The following COL5A1 variants were observed in gnomAD, a reference collection of about 807,000 sequenced individuals.
The protein encoded by COL5A1 is collagen alpha-1(V) chain.
A neutral mutation model predicts 263.7 loss-of-function variants in COL5A1; 16 were observed. The ratio of observed to expected loss-of-function variants is 0.06; its 90% CI spans 0.04 to 0.09. COL5A1 has a LOEUF of 0.09. Ranked by LOEUF, COL5A1 falls within the 10% of genes least tolerant of loss-of-function variation. The pLI, the probability that COL5A1 is intolerant of heterozygous loss-of-function variation, is 1.00. For missense variants in COL5A1, 2,036 were observed against 2,540.5 expected, an observed-to-expected ratio of 0.80 and a Z score of 4.27; for synonymous variants, 1,012 against 1,004.5, an observed-to-expected ratio of 1.01 and a Z score of -0.14.
intron 64 of COL5A1, among the ~76,000 whole-genome samples, chr9:134,830,946 G>A (rs984086730): frequency 2.0e-5 from 3 of 152,202 alleles, no homozygotes; most frequent in South Asian, 4.1e-4. Context: ...CTCCCAGCAA[G>A]TTAAAGGACC....
chr9:134,766,140 A>T (rs375043290), intron 21 of COL5A1, among the ~76,000 whole-genome samples: 1 of 152,264 alleles, frequency 6.6e-6, no homozygotes, highest in East Asian at 1.9e-4. Context: ...CCCGGTGGGC[A>T]GCTCCCCCAG....
At chr9:134,679,032 G>C (rs1832757388) in intron 1 of COL5A1, among the ~76,000 whole-genome samples, 1 of 152,202 alleles carries the variant, frequency 6.6e-6, no homozygotes, top group South Asian at 2.1e-4. Context: ...CAGGCCTTCA[G>C]TTCTCATCAA....
At chr9:134,683,301 C>T (rs1317232098) in intron 1 of COL5A1, among the ~76,000 whole-genome samples, 1 of 152,172 alleles carries the variant, frequency 6.6e-6, no homozygotes, top group African/African-American at 2.4e-5. Flanking sequence ...ACCTTCTGCC[C>T]TTGGGAAAAA....
intron 2 of COL5A1, 32 bp downstream of exon 2, chr9:134,691,111 G>T: frequency 6.2e-7 from 1 of 1,610,558 alleles, no homozygotes; most frequent in South Asian, 1.1e-5. Flanking sequence ...TTGGGGCGGT[G>T]GGTCCCGTTG....
chr9:134,821,738 G>A lies in COL5A1; in HGVS notation c.4555-359G>A, dbSNP rs921355345. 2.0e-5 allele frequency among the ~76,000 whole-genome samples: 3 copies of A among 152,240 alleles called. No individual in the cohort carries two copies. The highest frequency in any genetic ancestry group is 7.2e-5 in the African/African-American group (3 of 41,462). ...CACCATGAGCAGGAAACAGCAAGAG[G>A]GGCCCAAGCCAGGGCCACAATGTCA... On this transcript the variant is annotated intron_variant, in intron 58 of 65. Coordinates refer to ENST00000371817, the MANE Select transcript of COL5A1 (RefSeq NM_000093.5). The surrounding 1 kb of genome is among the most constrained non-coding windows in gnomAD (Gnocchi z 4.2).
At position 134,739,781 on chromosome 9, in the gene COL5A1, G is replaced by A. The variant is rs925065572; in HGVS notation, c.1494+973G>A. Among the ~76,000 whole-genome samples the A allele has an allele frequency of 7.2e-5, 11 of 152,252 alleles. No homozygotes were observed. In the East Asian group the frequency reaches 2.1e-3, roughly 30 times the overall value. ...CTCAGTACCCCTGGAAAGCTGGGGA[G>A]GGGCAGGACAGGTGAGGTCAGGCAG... On this transcript the variant is annotated intron_variant, in intron 11 of 65. Coordinates refer to ENST00000371817, the MANE Select transcript of COL5A1 (RefSeq NM_000093.5).
In COL5A1 at chr9:134,642,770, C is replaced by A. The variant is rs1831341528; in HGVS notation, c.109+474C>A. On this transcript the variant is annotated intron_variant, in intron 1 of 65. Transcript: ENST00000371817. The surrounding 1 kb of genome is among the most constrained non-coding windows in gnomAD (Gnocchi z 4.5). Reference sequence around the variant, plus strand: ...GGGGGAATCCCAGAAGCCTGGGCCCCCAGCACTGAACTTCCCCCAGGCACT... The same window carrying A: ...GGGGGAATCCCAGAAGCCTGGGCCCACAGCACTGAACTTCCCCCAGGCACT... 6.6e-6 allele frequency among the ~76,000 whole-genome samples: 1 copy of A among 152,206 alleles called. No homozygotes were observed. Among genetic ancestry groups the A allele is most frequent in the Non-Finnish European group, 1.5e-5 (1 of 68,018 alleles).
At chr9:134,720,938 G>T (rs929504357) in intron 4 of COL5A1, among the ~76,000 whole-genome samples, 1 of 152,170 alleles carries the variant, frequency 6.6e-6, no homozygotes, top group African/African-American at 2.4e-5. Flanking sequence ...GCGGCTCCAG[G>T]CCTGGCTGCA....
At chr9:134,829,861 G>C (rs551353227) in intron 63 of COL5A1, 115 bp from the exon 64 acceptor site, 2 of 1,173,370 alleles carry the variant, frequency 1.7e-6, no homozygotes, top group African/African-American at 3.1e-5. Flanking sequence ...CAGCCCCCCC[G>C]GCGTGAGGAT....
chr9:134,660,613 T>C (rs1249363234), intron 1 of COL5A1, among the ~76,000 whole-genome samples: 2 of 152,026 alleles, frequency 1.3e-5, no homozygotes, highest in Non-Finnish European at 2.9e-5. Context: ...TTAAGGAGGG[T>C]ATTGCATCCC....
chr9:134,822,973 A>G, intron 59 of COL5A1, 25 bp from the exon 60 acceptor site: 1 of 1,613,858 alleles, frequency 6.2e-7, no homozygotes, highest in Non-Finnish European at 8.5e-7. Flanking sequence ...CGGCTTGCTG[A>G]CGTTCTGCCC....
chr9:134,670,877 G>C (rs764426498), intron 1 of COL5A1, among the ~76,000 whole-genome samples: 1 of 152,192 alleles, frequency 6.6e-6, no homozygotes, highest in Non-Finnish European at 1.5e-5. Context: ...CTGCTGACTT[G>C]CGGGTCTTCT....
chr9:134,708,589 C>T (rs756783156), intron 4 of COL5A1: 2 of 518,780 alleles, frequency 3.9e-6, no homozygotes, highest in Non-Finnish European at 7.7e-6. Context: ...GCCCAGACCC[C>T]ACCCTGGCAG....
At chr9:134,701,833 G>C (rs1833686978) in intron 4 of COL5A1, among the ~76,000 whole-genome samples, 1 of 152,222 alleles carries the variant, frequency 6.6e-6, no homozygotes, top group Admixed American at 6.5e-5. Context: ...CAGGGGCCTT[G>C]CTTTCCCGGG....
At chr9:134,675,136 T>C (rs1249236136) in intron 1 of COL5A1, among the ~76,000 whole-genome samples, 1 of 152,222 alleles carries the variant, frequency 6.6e-6, no homozygotes, top group Non-Finnish European at 1.5e-5. Context: ...GCTTTCTTTC[T>C]ATGTTTTTTC....
At chr9:134,713,303 G>C (rs1834134727) in intron 4 of COL5A1, among the ~76,000 whole-genome samples, 1 of 152,234 alleles carries the variant, frequency 6.6e-6, no homozygotes, top group African/African-American at 2.4e-5. Context: ...TGTGATGGTG[G>C]GGAGCATGTG....
chr9:134,744,601 A>G lies in COL5A1; in HGVS notation c.1494+5793A>G, dbSNP rs368015650. ...CACACACACTTACACATGCACACTC[A>G]CCCACACCTGCACACACACTCATGC... On this transcript the variant is annotated intron_variant, in intron 11 of 65. Coordinates refer to ENST00000371817, the MANE Select transcript of COL5A1 (RefSeq NM_000093.5). 1.1e-4 allele frequency among the ~76,000 whole-genome samples: 16 copies of G among 151,664 alleles called. No homozygotes were observed. The East Asian group carries it at 1.7e-3, about 17-fold the overall frequency.
Position 134,824,784 on chromosome 9 carries a change from C to G in COL5A1, c.4883C>G (p.Pro1628Arg). The stretch of plus-strand genomic sequence containing the variant: ...CTGGAGATTGAGCAGATGAAACGGC[C>G]CCTGGGCACGCAGCAGAACCCCGCC... The part of the protein sequence containing the change: ...LKLEIEQMKR[P>R]LGTQQNPART... Residue 1628 changes from proline (P) to arginine (R), a missense_variant, in exon 62 of 66, where the codon CCC (proline) becomes CGC (arginine). Around this residue, in one of 3 missense-constraint regions of COL5A1, gnomAD observed 358 missense variants for 384.6 expected, o/e 0.93. Transcript: ENST00000371817. 6.2e-7 allele frequency: 1 copy of G among 1,614,128 alleles called. No individual in the cohort carries two copies. The highest frequency in any genetic ancestry group is 8.5e-7 in the Non-Finnish European group (1 of 1,180,042).
At chr9:134,699,635 G>T (rs1011762801) in intron 2 of COL5A1, among the ~76,000 whole-genome samples, 1 of 152,214 alleles carries the variant, frequency 6.6e-6, no homozygotes, top group African/African-American at 2.4e-5. Context: ...TGAGGGCAGG[G>T]TGTTGAGGGC....
Sources: gnomAD v4.1 joint callset for allele counts (sites outside exome capture counted in the v4.1 genomes callset) on GRCh38, gnomAD v4.1.1 for gene constraint, gnomAD v4.1.1 regional missense constraint, Gnocchi (gnomAD v3.1) non-coding constraint, MANE v1.5 for transcripts, NCBI Gene and HGNC (gene_info 2026-07-23, HGNC 2026-07-21) for gene names.